COMMD10: variants seen among roughly 807,000 people sequenced by gnomAD.
The protein encoded by COMMD10 is COMM domain-containing protein 10.
A neutral mutation model predicts 28.9 loss-of-function variants in COMMD10; 33 were observed. That is an observed-to-expected ratio of 1.14 (90% CI 0.87 to 1.53). The LOEUF (loss-of-function observed/expected upper bound fraction) is 1.53. COMMD10 is among the 40% of genes most tolerant of loss of function. The pLI is 0.00. For missense variants in COMMD10, 310 were observed against 233.4 expected, an observed-to-expected ratio of 1.33 and a Z score of -2.14; for synonymous variants, 110 against 81.7, an observed-to-expected ratio of 1.35 and a Z score of -1.87.
rs555804704 is a variant in COMMD10, at chr5:116,153,131, C to G, written c.510+18953C>G. Among the ~76,000 whole-genome samples, 265 of 152,162 alleles carry G rather than the reference C, an allele frequency of 1.7e-3. 1 individual carries two copies. Among genetic ancestry groups the G allele is most frequent in the African/African-American group, 6.0e-3 (250 of 41,516 alleles). On this transcript the variant is annotated intron_variant, in intron 5 of 6. Coordinates refer to ENST00000274458, the MANE Select transcript of COMMD10 (RefSeq NM_016144.4). Reference sequence around the variant, plus strand: ...TGCTACCTAATTCTATATATTTTGGCTATATGTTTCCTAAAAGTGATAATC... The same window carrying G: ...TGCTACCTAATTCTATATATTTTGGGTATATGTTTCCTAAAAGTGATAATC...
intron 5 of COMMD10, among the ~76,000 whole-genome samples, chr5:116,163,266 T>C (rs1752978032): frequency 6.6e-6 from 1 of 151,616 alleles, no homozygotes; most frequent in African/African-American, 2.4e-5. Context: ...CGTTTTCTTC[T>C]TGAAAATGTC....
At chr5:116,230,027 T>C (rs1025480036) in intron 5 of COMMD10, among the ~76,000 whole-genome samples, 3 of 151,918 alleles carry the variant, frequency 2.0e-5, no homozygotes, top group Non-Finnish European at 4.4e-5. Context: ...AGTATAAACT[T>C]TATTAGGTTT....
intron 4 of COMMD10, among the ~76,000 whole-genome samples, chr5:116,117,362 A>G (rs1323737064): frequency 6.6e-6 from 1 of 152,250 alleles, no homozygotes; most frequent in Non-Finnish European, 1.5e-5. Flanking sequence ...TCTCCATGCT[A>G]CATGGATTGG....
chr5:116,202,706 A>G (rs370140752), intron 5 of COMMD10, among the ~76,000 whole-genome samples: 458 of 151,448 alleles, frequency 3.0e-3, no homozygotes, highest in African/African-American at 4.1e-3. Flanking sequence ...GTCTGTTCAT[A>G]TCCTTTGCCC....
chr5:116,190,828 C>T (rs1748345873), intron 5 of COMMD10, among the ~76,000 whole-genome samples: 1 of 152,128 alleles, frequency 6.6e-6, no homozygotes, highest in Admixed American at 6.5e-5. Flanking sequence ...TACATGTTTA[C>T]TTTCAGAATA....
At chr5:116,097,537 C>T (rs1019569452) in intron 4 of COMMD10, among the ~76,000 whole-genome samples, 3 of 152,130 alleles carry the variant, frequency 2.0e-5, no homozygotes, top group Admixed American at 6.5e-5. Context: ...ATGTTAGCTG[C>T]GGAATTTTTC....
At chr5:116,259,081 T>TTC (rs1328679446) in intron 5 of COMMD10, among the ~76,000 whole-genome samples, 1 of 145,732 alleles carries the variant, frequency 6.9e-6, no homozygotes, top group African/African-American at 2.5e-5. Context: ...TTTTTTTTTT[T>TTC]CCTGAGAGTC....
chr5:116,114,738 A>G (rs1344660638), intron 4 of COMMD10, among the ~76,000 whole-genome samples: 2 of 152,172 alleles, frequency 1.3e-5, no homozygotes, highest in African/African-American at 4.8e-5. Flanking sequence ...TTGGCTGGCA[A>G]GTGGGGAATC....
chr5:116,255,126 C>T (rs1159573981), intron 5 of COMMD10, among the ~76,000 whole-genome samples: 13 of 151,594 alleles, frequency 8.6e-5, no homozygotes, highest in Admixed American at 7.9e-4. Context: ...GCAACCCCTG[C>T]CTTTTTTTGT....
chr5:116,196,812 C>G (rs1447687836), intron 5 of COMMD10, among the ~76,000 whole-genome samples: 1 of 151,926 alleles, frequency 6.6e-6, no homozygotes, highest in Non-Finnish European at 1.5e-5. Context: ...GAATCTTTAT[C>G]TTCCTATATA....
At chr5:116,100,395 G>T (rs1448704904) in intron 4 of COMMD10, among the ~76,000 whole-genome samples, 6 of 151,898 alleles carry the variant, frequency 4.0e-5, no homozygotes, top group African/African-American at 7.3e-5. Context: ...GCAAAGGCCA[G>T]TGCTAAGGAG....
rs564937777 is a variant in COMMD10 at position 116,278,630 on chromosome 5, G to A, written c.511-12887G>A. ...TAAACATTTCATGAAAATATTTCATGCGCTCTCTTATACGATTTTTATACT... is the reference window on the plus strand; with the variant it reads ...TAAACATTTCATGAAAATATTTCATACGCTCTCTTATACGATTTTTATACT... On this transcript the variant is annotated intron_variant, in intron 5 of 6. Transcript: ENST00000274458. Among the ~76,000 whole-genome samples the A allele has an allele frequency of 1.4e-4, 22 of 151,862 alleles. 1 individual carries two copies. The East Asian group carries it at 2.1e-3, about 15-fold the overall frequency.
chr5:116,168,393 C>T (rs1336596500), intron 5 of COMMD10, among the ~76,000 whole-genome samples: 1 of 152,124 alleles, frequency 6.6e-6, no homozygotes, highest in Non-Finnish European at 1.5e-5. Flanking sequence ...TAGTGGGAGA[C>T]TTTAACACCA....
chr5:116,126,120 C>A (rs1208067570), intron 4 of COMMD10, among the ~76,000 whole-genome samples: 1 of 151,928 alleles, frequency 6.6e-6, no homozygotes, highest in East Asian at 1.9e-4. Context: ...CACAGGCATT[C>A]CTATACGCCA....
At chr5:116,259,054 G>A (rs962540937) in intron 5 of COMMD10, among the ~76,000 whole-genome samples, 3 of 146,020 alleles carry the variant, frequency 2.1e-5, no homozygotes, top group South Asian at 2.2e-4. Context: ...CTTTAGCTAC[G>A]TCCTTTAATT....
At chr5:116,175,449 G>T (rs942944953) in intron 5 of COMMD10, among the ~76,000 whole-genome samples, 1 of 152,070 alleles carries the variant, frequency 6.6e-6, no homozygotes, top group African/African-American at 2.4e-5. Flanking sequence ...AAATTGTATA[G>T]CCACTCTGGA....
intron 5 of COMMD10, among the ~76,000 whole-genome samples, chr5:116,163,505 C>G (rs2112570143): frequency 6.6e-6 from 1 of 150,524 alleles, no homozygotes. Context: ...CAGGGAATCA[C>G]TTGCACCCGG....
intron 5 of COMMD10, among the ~76,000 whole-genome samples, chr5:116,202,808 T>G (rs1351132417): frequency 6.6e-6 from 1 of 151,674 alleles, no homozygotes; most frequent in African/African-American, 2.4e-5. Flanking sequence ...ATGAGTAGGT[T>G]GCGAAAATTT....
intron 5 of COMMD10, among the ~76,000 whole-genome samples, chr5:116,139,834 A>G (rs1159011172): frequency 1.3e-5 from 2 of 151,736 alleles, no homozygotes; most frequent in Non-Finnish European, 3.0e-5. Context: ...AATGATTGCT[A>G]CTATTAAGAA....
Sources: allele counts gnomAD v4.1 joint callset (sites outside exome capture counted in the v4.1 genomes callset), GRCh38; gene constraint gnomAD v4.1.1; transcripts MANE v1.5; gene names NCBI Gene and HGNC (gene_info 2026-07-23, HGNC 2026-07-21).